PDE4D: variants seen among roughly 807,000 people sequenced by gnomAD.
PDE4D encodes the protein 3',5'-cyclic-AMP phosphodiesterase 4D.
A neutral mutation model predicts 87.4 loss-of-function variants in PDE4D; 24 were observed. That is an observed-to-expected ratio of 0.27 (90% CI 0.20 to 0.39). The LOEUF (loss-of-function observed/expected upper bound fraction) is 0.39, where lower values mean the gene tolerates loss of function less well. Among genes scored for constraint, PDE4D ranks in the 10% least tolerant of loss-of-function variants. The probability of loss-of-function intolerance (pLI) is 1.00; values close to 1 mark genes in which losing one functional copy is unlikely to be tolerated. For missense variants in PDE4D, 714 were observed against 1,041.0 expected, an observed-to-expected ratio of 0.69 and a Z score of 4.32; for synonymous variants, 384 against 383.2, an observed-to-expected ratio of 1.00 and a Z score of -0.02.
intron 1 of PDE4D, among the ~76,000 whole-genome samples, chr5:60,260,449 G>A (rs1418276909): frequency 6.6e-6 from 1 of 152,066 alleles, no homozygotes; most frequent in African/African-American, 2.4e-5. Flanking sequence ...TTTTAACACA[G>A]AGCAGGGGAA....
chr5:59,579,028 CT>C (rs1823635256), intron 1 of PDE4D, among the ~76,000 whole-genome samples: 1 of 152,038 alleles, frequency 6.6e-6, no homozygotes, highest in Admixed American at 6.6e-5. Context: ...TTTATTACCC[CT>C]GAAATATAAC....
At chr5:59,460,273 A>G (rs903242527) in intron 1 of PDE4D, among the ~76,000 whole-genome samples, 5 of 152,352 alleles carry the variant, frequency 3.3e-5, no homozygotes, top group African/African-American at 1.2e-4. Context: ...TAATAAAAGT[A>G]TAACAAATTT....
chr5:59,674,204 T>C (rs530255418), intron 1 of PDE4D, among the ~76,000 whole-genome samples: 2 of 152,264 alleles, frequency 1.3e-5, no homozygotes, highest in East Asian at 3.9e-4. Flanking sequence ...GTATTTCTAG[T>C]TTAAGGATAA....
At chr5:59,153,636 G>C (rs943505846) in intron 5 of PDE4D, among the ~76,000 whole-genome samples, 1 of 152,134 alleles carries the variant, frequency 6.6e-6, no homozygotes, top group African/African-American at 2.4e-5. Context: ...AGAGTCAGCT[G>C]ATCTTCCCTA....
chr5:60,332,160 CCAAA>C (rs1179589561), intron 1 of PDE4D, among the ~76,000 whole-genome samples: 2 of 152,264 alleles, frequency 1.3e-5, no homozygotes, highest in South Asian at 2.1e-4. Flanking sequence ...AAGCCTAAGT[CCAAA>C]CATTGAATTT....
At chr5:60,515,895 C>CTACA in intron 1 of PDE4D, among the ~76,000 whole-genome samples, 1 of 152,226 alleles carries the variant, frequency 6.6e-6, no homozygotes, top group Non-Finnish European at 1.5e-5. Context: ...TAAGCTATGC[C>CTACA]TACATACATA....
chr5:59,025,922 G>C (rs1756143236), intron 6 of PDE4D, among the ~76,000 whole-genome samples: 1 of 152,228 alleles, frequency 6.6e-6, no homozygotes, highest in Non-Finnish European at 1.5e-5. Context: ...TGCACTGCTT[G>C]TCAGTAATAA....
Position 59,170,868 on chromosome 5 carries a change from A to G in PDE4D, c.808+9727T>C, listed in dbSNP as rs190637247. On this transcript the variant is annotated intron_variant, in intron 5 of 14. Transcript: ENST00000340635. ...TCACAGTGCTGTAATGAACATGTGT[A>G]TATATACTTTCACTTTTTTTTTTTT... Among the ~76,000 whole-genome samples, 290 of 150,814 alleles carry G rather than the reference A, an allele frequency of 1.9e-3. 1 individual carries two copies. Among genetic ancestry groups the G allele is most frequent in the African/African-American group, 6.5e-3 (266 of 41,124 alleles).
intron 3 of PDE4D, among the ~76,000 whole-genome samples, chr5:59,985,574 T>G (rs1383314604): frequency 6.6e-6 from 1 of 152,222 alleles, no homozygotes; most frequent in African/African-American, 2.4e-5. Context: ...CTTTAATATC[T>G]ACTTAGTTTG....
At chr5:60,415,406 G>T (rs1054981493) in intron 1 of PDE4D, among the ~76,000 whole-genome samples, 1 of 152,248 alleles carries the variant, frequency 6.6e-6, no homozygotes, top group African/African-American at 2.4e-5. Flanking sequence ...CCCCTTTCTC[G>T]GCTGGCCAAG....
intron 1 of PDE4D, among the ~76,000 whole-genome samples, chr5:59,794,137 G>GCGCACA (rs1008480333): frequency 2.8e-5 from 4 of 144,956 alleles, no homozygotes; most frequent in African/African-American, 1.0e-4. Flanking sequence ...ACACAGAGGC[G>GCGCACA]CACACACACA....
At chr5:59,337,186 A>G (rs1299808973) in intron 1 of PDE4D, among the ~76,000 whole-genome samples, 1 of 152,184 alleles carries the variant, frequency 6.6e-6, no homozygotes, top group Non-Finnish European at 1.5e-5. Flanking sequence ...CCACTGAACT[A>G]GCCCATTCTG....
rs1780567652 is a variant in PDE4D, at chr5:59,158,512, G to C, written c.808+22083C>G. Reference sequence around the variant, plus strand: ...AACTCTTTGTTGAAAACTCAAAATAGCAAATGGTGTCAAGGATATCCCCTA... The same window carrying C: ...AACTCTTTGTTGAAAACTCAAAATACCAAATGGTGTCAAGGATATCCCCTA... On this transcript the variant is annotated intron_variant, in intron 5 of 14. Coordinates refer to ENST00000340635, the MANE Select transcript of PDE4D (RefSeq NM_001104631.2). 1.3e-5 allele frequency among the ~76,000 whole-genome samples: 2 copies of C among 152,164 alleles called. 1 individual carries two copies. The highest frequency in any genetic ancestry group is 4.1e-4 in the South Asian group (2 of 4,826).
At chr5:58,999,533 G>T (rs1196196081) in intron 6 of PDE4D, 1 of 1,520,620 alleles carries the variant, frequency 6.6e-7, no homozygotes, top group Admixed American at 1.8e-5. Context: ...TTTGCTTCAG[G>T]CATTTTTGAT....
At chr5:59,592,405 T>C (rs1826040601) in intron 1 of PDE4D, among the ~76,000 whole-genome samples, 1 of 152,180 alleles carries the variant, frequency 6.6e-6, no homozygotes, top group Non-Finnish European at 1.5e-5. Context: ...AGCTACTACA[T>C]TCAATTTCTA....
chr5:60,183,392 A>C (rs909840663), intron 2 of PDE4D, among the ~76,000 whole-genome samples: 5 of 152,210 alleles, frequency 3.3e-5, no homozygotes, highest in Non-Finnish European at 7.4e-5. Context: ...GAAATTCATA[A>C]CTGGTAGGAA....
intron 1 of PDE4D, among the ~76,000 whole-genome samples, chr5:59,779,139 G>T (rs1290096873): frequency 6.6e-6 from 1 of 151,788 alleles, no homozygotes; most frequent in African/African-American, 2.4e-5. Flanking sequence ...TCCAGCCTGG[G>T]CAACAGAGCA....
intron 1 of PDE4D, among the ~76,000 whole-genome samples, chr5:59,349,665 A>C (rs1339913527): frequency 6.6e-6 from 1 of 152,202 alleles, no homozygotes; most frequent in South Asian, 2.1e-4. Context: ...TTTTAACTAT[A>C]GTGAAAACCA....
At chr5:59,199,371 G>C (rs1357183256) in intron 2 of PDE4D, among the ~76,000 whole-genome samples, 2 of 151,740 alleles carry the variant, frequency 1.3e-5, no homozygotes, top group Non-Finnish European at 2.9e-5. Context: ...AGGATTACAG[G>C]TGTGCACCAC....
Sources: allele counts gnomAD v4.1 joint callset (sites outside exome capture counted in the v4.1 genomes callset), GRCh38; gene constraint gnomAD v4.1.1; transcripts MANE v1.5; gene names NCBI Gene and HGNC (gene_info 2026-07-23, HGNC 2026-07-21).